NUP214: variants seen among roughly 807,000 people sequenced by gnomAD.
The protein encoded by NUP214 is nucleoporin 214.
NUP214 carries 79 observed loss-of-function variants against 196.2 expected under a neutral mutation model. The observed-to-expected ratio is 0.40, with a 90% CI of 0.34 to 0.49. NUP214 has a LOEUF of 0.49. NUP214 is among the 20% of genes least tolerant of loss of function. The probability of loss-of-function intolerance (pLI) is 0.58; values close to 1 mark genes in which losing one functional copy is unlikely to be tolerated. For synonymous variants in NUP214, 1,020 were observed against 990.5 expected, an observed-to-expected ratio of 1.03 and a Z score of -0.56; for missense variants, 2,468 against 2,539.0, an observed-to-expected ratio of 0.97 and a Z score of 0.60.
chr9:131,193,986 G>A (rs1211180071), intron 27 of NUP214: 1 of 150,892 alleles, frequency 6.6e-6, no homozygotes, highest in African/African-American at 2.4e-5. Flanking sequence ...GAAAAGGTGG[G>A]GTCATTGAAT....
intron 12 of NUP214, among the ~76,000 whole-genome samples, chr9:131,145,401 GA>G (rs1832060432): frequency 6.6e-6 from 1 of 152,042 alleles, no homozygotes; most frequent in Non-Finnish European, 1.5e-5. Flanking sequence ...AGATAACCAT[GA>G]GTTCCCAAGA....
chr9:131,198,369 T>A lies in NUP214; in HGVS notation c.4875T>A (p.Ala1625=), dbSNP rs754908023. ...CCTCCAGCACCACGTCCATTGTTGC[T>A]CCCGGCCCATCTGCAGAGGCAGCAG... ...PIASSTTSIV[A]PGPSAEAAAF... is the part of the protein sequence containing the mutation. The change falls in exon 29 of 36, where the codon GCT becomes GCA. Residue 1625 remains alanine, a synonymous_variant. Transcript: ENST00000359428. 3.1e-6 allele frequency: 5 copies of A among 1,614,082 alleles called. No individual in the cohort carries two copies. Among genetic ancestry groups the A allele is most frequent in the Admixed American group, 1.7e-5 (1 of 60,002 alleles).
In NUP214 at chr9:131,228,226, G is replaced by A; in HGVS notation, c.5969G>A (p.Gly1990Glu). The change falls in exon 33 of 36, where the codon GGG becomes GAG. Residue 1990 changes from glycine to glutamate, a missense_variant. By Grantham distance (98) the Gly-to-Glu change is moderately conservative. Coordinates refer to ENST00000359428, the MANE Select transcript of NUP214 (RefSeq NM_005085.4). Reference sequence around the variant, plus strand: ...TTTGGGGGATCCCCTGGGTTTGGAGGGGTGCCAGCATTCGGTTCAGCCCCA... The same window carrying A: ...TTTGGGGGATCCCCTGGGTTTGGAGAGGTGCCAGCATTCGGTTCAGCCCCA... The part of the protein sequence containing the change: ...PTFGGSPGFG[G>E]VPAFGSAPAF... 22 of 1,605,904 alleles carry A rather than the reference G, an allele frequency of 1.4e-5. No homozygotes were observed. The highest frequency in any genetic ancestry group is 1.9e-5 in the Non-Finnish European group (22 of 1,176,986).
In NUP214 at chr9:131,178,428, T is replaced by C; in HGVS notation, c.3419+18T>C. ...GCCATGGGGTATGTTCTGACTGCAG[T>C]GTGTTTCAGCCCCTGGCTGCTTCTG... On this transcript the variant is annotated intron_variant, in intron 24 of 35. Coordinates refer to ENST00000359428, the MANE Select transcript of NUP214 (RefSeq NM_005085.4). 1.9e-6 allele frequency: 3 copies of C among 1,574,484 alleles called. No homozygotes were observed. The highest frequency in any genetic ancestry group is 2.6e-6 in the Non-Finnish European group (3 of 1,145,068).
intron 24 of NUP214, among the ~76,000 whole-genome samples, chr9:131,184,597 A>G (rs916366374): frequency 6.6e-6 from 1 of 152,042 alleles, no homozygotes; most frequent in Admixed American, 6.5e-5. Context: ...CGGCCTCCCA[A>G]AGTGCTGGGA....
Position 131,232,294 on chromosome 9 carries a change from T to TCA in NUP214, c.6225_6226insCA (p.Gly2076GlnfsTer68). 6.2e-7 allele frequency: 1 copy of TCA among 1,614,212 alleles called. No homozygotes were observed. On this transcript the variant is annotated frameshift_variant, in exon 35 of 36. Transcript: ENST00000359428. LOFTEE classifies it high-confidence loss of function. This position sits in a 1 kb window ranked among gnomAD's most constrained non-coding sequence, Gnocchi z 5.1. ...TATTCTGCTTTTCAGGGTTCAGCTT[T>TCA]GGGTCAAATAACTCGTAAGTATCCC...
Position 131,192,310 on chromosome 9 carries a change from GT to G in NUP214, c.3659+22del. On this transcript the variant is annotated intron_variant, in intron 27 of 35. Coordinates refer to ENST00000359428, the MANE Select transcript of NUP214 (RefSeq NM_005085.4). ...CCATCAGGGTCAGTAATGAACTTAA[GT>G]TTTATGGCAAATTACTAGCAATTAG... The G allele has an allele frequency of 6.8e-7, 1 of 1,462,730 alleles. No individual in the cohort carries two copies. The highest frequency in any genetic ancestry group is 9.4e-7 in the Non-Finnish European group (1 of 1,065,738). The allele number at this position is 1,462,730 out of a possible 1,614,324, so 90.6% of individuals were successfully genotyped here.
At chr9:131,159,878 A>G (rs1391621278) in intron 18 of NUP214, among the ~76,000 whole-genome samples, 1 of 152,020 alleles carries the variant, frequency 6.6e-6, no homozygotes, top group Non-Finnish European at 1.5e-5. Context: ...AAAACAAGAA[A>G]GAGAAAATCT....
chr9:131,127,663 T>A lies in NUP214; in HGVS notation c.185T>A (p.Phe62Tyr). ...GGTGGAGCCAGTGGCTTGCAGATTTTTCCTACTAAAAATCTTCTTATTCAA... is the reference window on the plus strand; with the variant it reads ...GGTGGAGCCAGTGGCTTGCAGATTTATCCTACTAAAAATCTTCTTATTCAA... Reference protein sequence around the residue: ...FAGGASGLQIFPTKNLLIQNK... With the variant: ...FAGGASGLQIYPTKNLLIQNK... The change falls in exon 2 of 36, where the codon TTT (phenylalanine) becomes TAT (tyrosine). Residue 62 changes from phenylalanine to tyrosine, a missense_variant. By Grantham distance (22) the Phe-to-Tyr change is conservative. Transcript: ENST00000359428. 1.2e-6 allele frequency: 2 copies of A among 1,614,120 alleles called. No homozygotes were observed. The highest frequency in any genetic ancestry group is 1.7e-6 in the Non-Finnish European group (2 of 1,180,030).
At chr9:131,197,121 G>A in intron 28 of NUP214, 95 bp from the exon 29 acceptor site, 1 of 1,527,586 alleles carries the variant, frequency 6.5e-7, no homozygotes. Context: ...GTAGAGGGAG[G>A]AGAGAAACTT....
At chr9:131,207,935 A>C (rs1456425200) in intron 30 of NUP214, among the ~76,000 whole-genome samples, 1 of 152,218 alleles carries the variant, frequency 6.6e-6, no homozygotes, top group Admixed American at 6.5e-5. Flanking sequence ...GGCAAGCAAA[A>C]TAAATGACCA....
chr9:131,216,190 T>TA (rs1834389886), intron 31 of NUP214, among the ~76,000 whole-genome samples: 1 of 151,208 alleles, frequency 6.6e-6, no homozygotes, highest in African/African-American at 2.4e-5. Context: ...ATGCCCAGCC[T>TA]TCTTTAGCTA....
At chr9:131,129,241 T>G (rs1175626878) in intron 3 of NUP214, 38 bp from the exon 4 acceptor site, 2 of 1,537,410 alleles carry the variant, frequency 1.3e-6, no homozygotes, top group African/African-American at 2.7e-5. Flanking sequence ...ATTTACTATT[T>G]GTTAACTTAT....
intron 5 of NUP214, among the ~76,000 whole-genome samples, 162 bp from the exon 6 acceptor site, chr9:131,132,434 G>A (rs1244999189): frequency 6.6e-6 from 1 of 152,150 alleles, no homozygotes. Context: ...GTTTCTGTAG[G>A]ATGAAGTCCT....
intron 31 of NUP214, among the ~76,000 whole-genome samples, chr9:131,216,057 C>G (rs1312502968): frequency 6.6e-6 from 1 of 151,852 alleles, no homozygotes; most frequent in African/African-American, 2.4e-5. Context: ...CACGTGCTAT[C>G]ACGCCTGGCT....
chr9:131,184,821 G>A (rs1055931621), intron 24 of NUP214, among the ~76,000 whole-genome samples: 2 of 152,206 alleles, frequency 1.3e-5, no homozygotes, highest in East Asian at 3.8e-4. Context: ...ATAGTTGGCA[G>A]TTATATTTCC....
intron 8 of NUP214, 47 bp downstream of exon 8, chr9:131,135,051 C>T (rs1425494162): frequency 8.0e-7 from 1 of 1,254,824 alleles, no homozygotes; most frequent in Non-Finnish European, 1.2e-6. Flanking sequence ...ACTGGAAGAT[C>T]ACACCTGAGT....
intron 23 of NUP214, among the ~76,000 whole-genome samples, chr9:131,176,576 G>A (rs559139010): frequency 2.6e-5 from 4 of 152,098 alleles, no homozygotes; most frequent in East Asian, 1.9e-4. Context: ...TGATCCACCC[G>A]CCTCTACCTC....
intron 17 of NUP214, among the ~76,000 whole-genome samples, chr9:131,157,138 C>G (rs928800760): frequency 2.4e-4 from 22 of 89,862 alleles, no homozygotes; most frequent in Middle Eastern, 6.3e-3. Context: ...ACGTTTAGCT[C>G]TGTTTTTTTT....
Sources: gnomAD v4.1 joint callset for allele counts (sites outside exome capture counted in the v4.1 genomes callset) on GRCh38, gnomAD v4.1.1 for gene constraint, Gnocchi (gnomAD v3.1) non-coding constraint, MANE v1.5 for transcripts, NCBI Gene and HGNC (gene_info 2026-07-23, HGNC 2026-07-21) for gene names.